Variants in COL25A1 observed in about 807,000 individuals in gnomAD.
COL25A1 encodes collagen type XXV alpha 1 chain.
Under a neutral mutation model 128.4 loss-of-function variants are expected in COL25A1, and 103 were observed. The ratio of observed to expected loss-of-function variants is 0.80; its 90% CI spans 0.68 to 0.94. The LOEUF is 0.94. COL25A1 is among the 40% of genes least tolerant of loss of function. The pLI, the probability that COL25A1 is intolerant of heterozygous loss-of-function variation, is 0.00. For missense variants in COL25A1, 745 were observed against 840.0 expected, an observed-to-expected ratio of 0.89 and a Z score of 1.40; for synonymous variants, 279 against 277.2, an observed-to-expected ratio of 1.01 and a Z score of -0.06.
chr4:109,293,619 T>C (rs1286678646), intron 3 of COL25A1, among the ~76,000 whole-genome samples: 1 of 152,042 alleles, frequency 6.6e-6, no homozygotes, highest in African/African-American at 2.4e-5. Flanking sequence ...AAACTAGAGC[T>C]CCTAAAATCT....
chr4:109,283,438 T>C (rs1723579603), intron 3 of COL25A1, among the ~76,000 whole-genome samples: 1 of 152,112 alleles, frequency 6.6e-6, no homozygotes, highest in African/African-American at 2.4e-5. Context: ...CTTTTTCTTT[T>C]TTTTTTAAGA....
chr4:108,824,130 A>G (rs1440362979), intron 35 of COL25A1, 44 bp downstream of exon 35: 1 of 1,614,070 alleles, frequency 6.2e-7, no homozygotes, highest in African/African-American at 1.3e-5. Context: ...AGCAGACAGC[A>G]GGAGAAGAAT....
intron 10 of COL25A1, among the ~76,000 whole-genome samples, chr4:108,938,225 T>C (rs1449888659): frequency 6.6e-6 from 1 of 152,172 alleles, no homozygotes; most frequent in Non-Finnish European, 1.5e-5. Flanking sequence ...TGAAGTAACA[T>C]GTTTCATTAA....
Position 108,812,339 on chromosome 4 carries a change from A to C in COL25A1, c.*1588T>G, listed in dbSNP as rs1258151736. ...AATATAGACAAAACTTAAAACCATAAAAATAGAAATTAGTTAATATTACCA... is the reference window on the plus strand; with the variant it reads ...AATATAGACAAAACTTAAAACCATACAAATAGAAATTAGTTAATATTACCA... On this transcript the variant is annotated 3_prime_UTR_variant, in exon 38 of 38. Coordinates refer to ENST00000399132, the MANE Select transcript of COL25A1 (RefSeq NM_198721.4). 1 of 152,232 alleles carries C rather than the reference A, an allele frequency of 6.6e-6. No homozygotes were observed. Among genetic ancestry groups the C allele is most frequent in the East Asian group, 1.9e-4 (1 of 5,200 alleles). The allele number at this position is 152,232 out of a possible 1,614,324, so 9.4% of individuals were successfully genotyped here.
intron 12 of COL25A1, among the ~76,000 whole-genome samples, chr4:108,919,428 AG>A (rs1423133054): frequency 2.0e-5 from 3 of 152,178 alleles, no homozygotes; most frequent in Admixed American, 2.0e-4. Context: ...CCTATGCACA[AG>A]TTGTCCTGCA....
At chr4:109,246,402 G>T (rs942759742) in intron 3 of COL25A1, among the ~76,000 whole-genome samples, 8 of 152,082 alleles carry the variant, frequency 5.3e-5, no homozygotes, top group African/African-American at 1.9e-4. Flanking sequence ...ATGAAATTCT[G>T]ACCTTGGATA....
In COL25A1 at chr4:108,813,838, A is replaced by T. The variant is rs1198477743; in HGVS notation, c.*89T>A. The T allele has an allele frequency of 2.9e-6, 3 of 1,016,974 alleles. No individual in the cohort carries two copies. Among genetic ancestry groups the T allele is most frequent in the Non-Finnish European group, 4.6e-6 (3 of 658,394 alleles). The allele number at this position is 1,016,974 out of a possible 1,614,324, so 63.0% of individuals were successfully genotyped here. A position where few individuals can be genotyped will look rare whatever the true frequency, so the allele number is the denominator to read the frequency against. On this transcript the variant is annotated 3_prime_UTR_variant, in exon 38 of 38. Transcript: ENST00000399132. ...GCAGCCCTATGTAAACATATCTCAG[A>T]CTTGTAAAATCTGCAATTCAGTTTT...
intron 3 of COL25A1, among the ~76,000 whole-genome samples, chr4:109,264,790 G>A (rs1781681680): frequency 6.6e-6 from 1 of 152,126 alleles, no homozygotes. Context: ...GCACTCCCTG[G>A]TTTACAAGTA....
At chr4:109,292,413 C>T (rs1179497514) in intron 3 of COL25A1, among the ~76,000 whole-genome samples, 3 of 151,948 alleles carry the variant, frequency 2.0e-5, no homozygotes, top group African/African-American at 2.4e-5. Flanking sequence ...AATAGTAATG[C>T]ATGGAAAGAG....
chr4:109,198,107 CATT>C (rs980982037), intron 3 of COL25A1, among the ~76,000 whole-genome samples: 29 of 151,768 alleles, frequency 1.9e-4, no homozygotes, highest in Non-Finnish European at 4.3e-4. Flanking sequence ...GAACTTTTTT[CATT>C]ATATCTTACC....
At chr4:108,981,966 C>T (rs1476505376) in intron 6 of COL25A1, among the ~76,000 whole-genome samples, 1 of 152,134 alleles carries the variant, frequency 6.6e-6, no homozygotes, top group Non-Finnish European at 1.5e-5. Context: ...GAGGCTGAGG[C>T]AGGCAGATCA....
At chr4:109,086,442 C>T (rs3108957) in intron 3 of COL25A1, among the ~76,000 whole-genome samples, 35,203 of 152,082 alleles carry the variant, frequency 0.23, 5,264 homozygotes, top group African/African-American at 0.41. Flanking sequence ...AAATCCTCCC[C>T]TAAAGGATTA....
chr4:109,046,443 A>G (rs1368663195), intron 5 of COL25A1, among the ~76,000 whole-genome samples: 1 of 152,092 alleles, frequency 6.6e-6, no homozygotes, highest in Non-Finnish European at 1.5e-5. Flanking sequence ...AGATTTAACT[A>G]CCTCTTGCCA....
rs185169273 is a variant in COL25A1 at position 108,986,270 on chromosome 4, G to A, written c.439-11711C>T. Among the ~76,000 whole-genome samples the A allele has an allele frequency of 4.6e-5, 7 of 152,130 alleles. No homozygotes were observed. In the East Asian group the frequency reaches 1.4e-3, roughly 29 times the overall value. On this transcript the variant is annotated intron_variant, in intron 6 of 37. Coordinates refer to ENST00000399132, the MANE Select transcript of COL25A1 (RefSeq NM_198721.4). ...ATTCCTCAGCTCAAAGAACTTCAGG[G>A]GCCCATTTTGTAATCTACAATGAAA...
At chr4:108,966,944 GGAAAGAAAGAAAAA>G (rs369031674) in intron 8 of COL25A1, among the ~76,000 whole-genome samples, 69 of 141,738 alleles carry the variant, frequency 4.9e-4, no homozygotes, top group Admixed American at 2.5e-3. Context: ...AAGAAAGAGA[GGAAAGAAAGAAAAA>G]GAAAGAAAGA....
chr4:108,918,850 C>A (rs1365027019), intron 12 of COL25A1, among the ~76,000 whole-genome samples: 1 of 152,076 alleles, frequency 6.6e-6, no homozygotes, highest in Non-Finnish European at 1.5e-5. Context: ...CACGTGTGGG[C>A]GTGTGTGTGC....
chr4:109,154,151 TATG>T (rs1771810373), intron 3 of COL25A1, among the ~76,000 whole-genome samples: 1 of 152,204 alleles, frequency 6.6e-6, no homozygotes, highest in African/African-American at 2.4e-5. Context: ...TTATCATCTT[TATG>T]ATAACTCAAA....
At chr4:109,215,841 G>A (rs969233708) in intron 3 of COL25A1, among the ~76,000 whole-genome samples, 3 of 152,070 alleles carry the variant, frequency 2.0e-5, no homozygotes, top group Non-Finnish European at 1.5e-5. Context: ...TCCTCAAAGC[G>A]ATCTTTTCTA....
chr4:109,121,588 A>G (rs923299679), intron 3 of COL25A1, among the ~76,000 whole-genome samples: 3 of 152,148 alleles, frequency 2.0e-5, no homozygotes, highest in Non-Finnish European at 2.9e-5. Context: ...CTATACACCT[A>G]TTAGAATGAC....
Sources: gnomAD v4.1 joint callset for allele counts (sites outside exome capture counted in the v4.1 genomes callset) on GRCh38, gnomAD v4.1.1 for gene constraint, MANE v1.5 for transcripts, NCBI Gene and HGNC (gene_info 2026-07-23, HGNC 2026-07-21) for gene names.